HNRNPDL: variants seen among roughly 807,000 people sequenced by gnomAD.
The protein encoded by HNRNPDL is heterogeneous nuclear ribonucleoprotein D like.
Under a neutral mutation model 48.0 loss-of-function variants are expected in HNRNPDL, and 18 were observed. The observed-to-expected ratio is 0.38, with a 90% CI of 0.26 to 0.56. The LOEUF is 0.56. Among genes scored for constraint, HNRNPDL ranks in the 20% least tolerant of loss-of-function variants. HNRNPDL has a pLI of 0.77. For synonymous variants in HNRNPDL, 306 were observed against 207.3 expected, an observed-to-expected ratio of 1.48 and a Z score of -4.09; for missense variants, 553 against 540.7, an observed-to-expected ratio of 1.02 and a Z score of -0.23.
chr4:82,425,922 A>G, intron 7 of HNRNPDL, 115 bp downstream of exon 7: 1 of 693,712 alleles, frequency 1.4e-6, no homozygotes, highest in South Asian at 1.9e-5. Context: ...CAATTAAAAA[A>G]TCAACAATTT....
intron 1 of HNRNPDL, among the ~76,000 whole-genome samples, chr4:82,428,962 G>C (rs770985804): frequency 6.6e-6 from 1 of 152,210 alleles, no homozygotes; most frequent in African/African-American, 2.4e-5. Flanking sequence ...TGCAGCGCTG[G>C]GAGGCCGGCC....
intron 3 of HNRNPDL, 117 bp downstream of exon 3, chr4:82,427,901 G>T: frequency 1.0e-6 from 1 of 995,588 alleles, no homozygotes; most frequent in Non-Finnish European, 1.5e-6. Context: ...GAAGCGACTT[G>T]AGCAGTCATT....
At position 82,429,250 on chromosome 4, in the gene HNRNPDL, G is replaced by A. The variant is rs769311412; in HGVS notation, c.441C>T (p.Asp147=). ...KINASKNQQD[D]GKMFIGGLSW... ...GCGGGGGAAGAAGCGTGCGGTACCCGTCATCCTGCTGATTCTTGCTCGCGT... is the reference window on the plus strand; with the variant it reads ...GCGGGGGAAGAAGCGTGCGGTACCCATCATCCTGCTGATTCTTGCTCGCGT... The change falls in exon 1 of 8, where the codon GAC becomes GAT. Residue 147 remains aspartate, a splice_region_variant and synonymous_variant. Coordinates refer to ENST00000295470, the MANE Select transcript of HNRNPDL (RefSeq NM_031372.4). 8 of 1,612,984 alleles carry A rather than the reference G, an allele frequency of 5.0e-6. No individual in the cohort carries two copies. Among genetic ancestry groups the A allele is most frequent in the Non-Finnish European group, 6.8e-6 (8 of 1,179,718 alleles).
In HNRNPDL at chr4:82,424,055, A is replaced by G. The variant is rs1246573033; in HGVS notation, c.*851T>C. ...ATTTTGCCACTATTTTAATTTTTCG[A>G]CCAAACTCATACCTTTCTACCAAAA... On this transcript the variant is annotated 3_prime_UTR_variant, in exon 8 of 8. Transcript: ENST00000295470. 6.6e-6 allele frequency: 1 copy of G among 152,162 alleles called. No homozygotes were observed. The highest frequency in any genetic ancestry group is 6.5e-5 in the Admixed American group (1 of 15,282). 9.4% of individuals were successfully genotyped at this position (152,162 alleles called of 1,614,324 possible). A position where few individuals can be genotyped will look rare whatever the true frequency, so the allele number is the denominator to read the frequency against.
Position 82,429,358 on chromosome 4 carries a change from G to T in HNRNPDL, c.333C>A (p.His111Gln), listed in dbSNP as rs758689857. 4 of 1,613,550 alleles carry T rather than the reference G, an allele frequency of 2.5e-6. No individual in the cohort carries two copies. Among genetic ancestry groups the T allele is most frequent in the Non-Finnish European group, 3.4e-6 (4 of 1,179,892 alleles). ...AAAATRTARQ[H>Q]PPADSSVTME... ...TAGTGACGGAGCTGTCGGCAGGGGG[G>T]TGCTGGCGCGCAGTCCGGGTCGCGG... is the stretch of plus-strand genomic sequence containing the variant. Residue 111 changes from histidine to glutamine, a missense_variant, in exon 1 of 8, where the codon CAC (histidine) becomes CAA (glutamine). Transcript: ENST00000295470.
Position 82,428,020 on chromosome 4 carries a change from C to G in HNRNPDL, c.772G>C (p.Glu258Gln). 6.2e-7 allele frequency: 1 copy of G among 1,613,736 alleles called. No individual in the cohort carries two copies. Among genetic ancestry groups the G allele is most frequent in the Admixed American group, 1.7e-5 (1 of 59,940 alleles). ...QIKEYFGAFGEIENIELPMDT... is the reference protein window; with the variant it reads ...QIKEYFGAFGQIENIELPMDT... ...CATGTGTAAACATAATCACACACCT[C>G]TCCAAAGGCTCCAAAATATTCTTTA... is the stretch of plus-strand genomic sequence containing the variant. Residue 258 changes from glutamate to glutamine, a missense_variant and splice_region_variant, in exon 3 of 8, where the codon GAG becomes CAG. This residue lies in a region of HNRNPDL where 174 missense variants were observed against 204.6 expected (regional missense o/e 0.85). Coordinates refer to ENST00000295470, the MANE Select transcript of HNRNPDL (RefSeq NM_031372.4).
chr4:82,427,982 A>G, intron 3 of HNRNPDL, 36 bp downstream of exon 3: 1 of 1,589,784 alleles, frequency 6.3e-7, no homozygotes, highest in Non-Finnish European at 8.6e-7. Context: ...TTTTATAAAC[A>G]CATCAAGCTT....
chr4:82,428,132 G>C lies in HNRNPDL; in HGVS notation c.660C>G (p.Pro220=), dbSNP rs183833572. ...TCCCTTTTAAAGCTTTGGCCCTTTT[G>C]GGATCTATCAATTTGCCATCCAGTT... ...EHKLDGKLID[P]KRAKALKGKE... Residue 220 remains proline (P), a synonymous_variant, in exon 3 of 8, where the codon CCC becomes CCG. Coordinates refer to ENST00000295470, the MANE Select transcript of HNRNPDL (RefSeq NM_031372.4). 1.2e-6 allele frequency: 2 copies of C among 1,613,992 alleles called. No individual in the cohort carries two copies. Among genetic ancestry groups the C allele is most frequent in the East Asian group, 2.2e-5 (1 of 44,884 alleles).
chr4:82,429,662 A>G lies in HNRNPDL; in HGVS notation c.29T>C (p.Val10Ala). 1 of 1,362,740 alleles carries G rather than the reference A, an allele frequency of 7.3e-7. No homozygotes were observed. 84.4% of individuals were successfully genotyped at this position (1,362,740 alleles called of 1,614,324 possible). Residue 10 changes from valine to alanine, a missense_variant, in exon 1 of 8, where the codon GTG becomes GCG. This residue lies in a region of HNRNPDL where 327 missense variants were observed against 203.2 expected (regional missense o/e 1.61). Transcript: ENST00000295470. MEVPPRLSH[V>A]PPPLFPSAPA... ...AGCGGAGGGGAACAATGGCGGCGGC[A>G]CATGGGAAAGCCTGGGCGGGACCTC... is the stretch of plus-strand genomic sequence containing the variant.
In HNRNPDL at chr4:82,429,536, T is replaced by A. The variant is rs763638263; in HGVS notation, c.155A>T (p.Gln52Leu). The stretch of plus-strand genomic sequence containing the variant: ...GTGGCGCTGGGCCCGGCGCGCCCCC[T>A]GCCGGGCGGAGCTGGGAGCGAGCGA... ...LPSLAPSSAR[Q>L]GARRAQRHVT... is the part of the protein sequence containing the mutation. The change falls in exon 1 of 8, where the codon CAG becomes CTG. Residue 52 changes from glutamine to leucine, a missense_variant. Gln to Leu is a moderately radical substitution (Grantham distance 113). Around this residue, in one of 4 missense-constraint regions of HNRNPDL, gnomAD observed 327 missense variants for 203.2 expected, o/e 1.61. Transcript: ENST00000295470. The A allele has an allele frequency of 4.1e-6, 6 of 1,480,190 alleles. No individual in the cohort carries two copies. The highest frequency in any genetic ancestry group is 1.3e-5 in the South Asian group (1 of 75,296). The allele number at this position is 1,480,190 out of a possible 1,614,324, so 91.7% of individuals were successfully genotyped here. A position where few individuals can be genotyped will look rare whatever the true frequency, so the allele number is the denominator to read the frequency against.
chr4:82,429,618 G>C lies in HNRNPDL; in HGVS notation c.73C>G (p.Arg25Gly), dbSNP rs926280562. The C allele has an allele frequency of 2.2e-6, 3 of 1,380,890 alleles. No homozygotes were observed. The highest frequency in any genetic ancestry group is 2.8e-6 in the Non-Finnish European group (3 of 1,070,134). 85.5% of individuals were successfully genotyped at this position (1,380,890 alleles called of 1,614,324 possible). A position where few individuals can be genotyped will look rare whatever the true frequency, so the allele number is the denominator to read the frequency against. The change falls in exon 1 of 8, where the codon CGC (arginine) becomes GGC (glycine). Residue 25 changes from arginine (R) to glycine (G), a missense_variant. Arg to Gly is a moderately radical substitution (Grantham distance 125). Coordinates refer to ENST00000295470, the MANE Select transcript of HNRNPDL (RefSeq NM_031372.4). ...CGCGGCCGCCAATGGGAGAGGCTGCGGGAGGCTAAAGTAGCGGGAGCGGAG... is the reference window on the plus strand; with the variant it reads ...CGCGGCCGCCAATGGGAGAGGCTGCCGGAGGCTAAAGTAGCGGGAGCGGAG... ...FPSAPATLAS[R>G]SLSHWRPRPP...
intron 6 of HNRNPDL, 48 bp downstream of exon 6, chr4:82,426,415 A>ATGAATT: frequency 6.6e-7 from 1 of 1,508,402 alleles, no homozygotes; most frequent in Admixed American, 1.7e-5. Flanking sequence ...TATGTTAACA[A>ATGAATT]TGAATTTTAA....
chr4:82,429,516 G>T lies in HNRNPDL; in HGVS notation c.175C>A (p.Arg59Ser). 1 of 1,505,126 alleles carries T rather than the reference G, an allele frequency of 6.6e-7. No homozygotes were observed. Among genetic ancestry groups the T allele is most frequent in the South Asian group, 1.3e-5 (1 of 79,604 alleles). The allele number at this position is 1,505,126 out of a possible 1,614,324, so 93.2% of individuals were successfully genotyped here. ...GAGGGCTGCTGGGCGGTGACGTGGC[G>T]CTGGGCCCGGCGCGCCCCCTGCCGG... ...SARQGARRAQ[R>S]HVTAQQPSRL... Residue 59 changes from arginine to serine, a missense_variant, in exon 1 of 8, where the codon CGC (arginine) becomes AGC (serine). Physicochemically the swap from Arg to Ser is moderately radical, Grantham distance 110 (BLOSUM62 -1). Coordinates refer to ENST00000295470, the MANE Select transcript of HNRNPDL (RefSeq NM_031372.4).
In HNRNPDL at chr4:82,429,588, G is replaced by T; in HGVS notation, c.103C>A (p.Pro35Thr). 1 of 1,379,026 alleles carries T rather than the reference G, an allele frequency of 7.3e-7. No individual in the cohort carries two copies. The highest frequency in any genetic ancestry group is 9.3e-7 in the Non-Finnish European group (1 of 1,070,770). 85.4% of individuals were successfully genotyped at this position (1,379,026 alleles called of 1,614,324 possible). ...GGGAGGAGCGGGGCTAGCTGCCGCGGCGGCCGCGGCCGCCAATGGGAGAGG... is the reference window on the plus strand; with the variant it reads ...GGGAGGAGCGGGGCTAGCTGCCGCGTCGGCCGCGGCCGCCAATGGGAGAGG... ...RSLSHWRPRPPRQLAPLLPSL... is the reference protein window; with the variant it reads ...RSLSHWRPRPTRQLAPLLPSL... The change falls in exon 1 of 8, where the codon CCG (proline) becomes ACG (threonine). Residue 35 changes from proline (P) to threonine (T), a missense_variant. Pro to Thr is a conservative substitution (Grantham distance 38, BLOSUM62 -1). Around this residue, in one of 4 missense-constraint regions of HNRNPDL, gnomAD observed 327 missense variants for 203.2 expected, o/e 1.61. Coordinates refer to ENST00000295470, the MANE Select transcript of HNRNPDL (RefSeq NM_031372.4).
In HNRNPDL at chr4:82,423,910, TATCA is replaced by T. The variant is rs1721303168; in HGVS notation, c.*992_*995del. ...GCACTGTGTCAAAAACTAGATTTAC[TATCA>T]AGACTTTTTCTAAACTCACAGAGCA... On this transcript the variant is annotated 3_prime_UTR_variant, in exon 8 of 8. Coordinates refer to ENST00000295470, the MANE Select transcript of HNRNPDL (RefSeq NM_031372.4). 1 of 152,248 alleles carries T rather than the reference TATCA, an allele frequency of 6.6e-6. No homozygotes were observed. 9.4% of individuals were successfully genotyped at this position (152,248 alleles called of 1,614,324 possible). A position where few individuals can be genotyped will look rare whatever the true frequency, so the allele number is the denominator to read the frequency against.
At position 82,429,499 on chromosome 4, in the gene HNRNPDL, C is replaced by G. The variant is rs1255049120; in HGVS notation, c.192G>C (p.Gln64His). The G allele has an allele frequency of 1.3e-6, 2 of 1,552,822 alleles. No homozygotes were observed. The highest frequency in any genetic ancestry group is 2.0e-5 in the Admixed American group (1 of 50,428). Residue 64 changes from glutamine (Q) to histidine (H), a missense_variant, in exon 1 of 8, where the codon CAG becomes CAC. Gln to His is a conservative substitution (Grantham distance 24). Transcript: ENST00000295470. ...ARRAQRHVTA[Q>H]QPSRLAGGAA... ...CCCCGCCCGCCAATCGGGAGGGCTG[C>G]TGGGCGGTGACGTGGCGCTGGGCCC...
rs1721452230 is a variant in HNRNPDL at position 82,427,264 on chromosome 4, T to A, written c.947A>T (p.Gln316Leu). The change falls in exon 5 of 8, where the codon CAG becomes CTG. Residue 316 changes from glutamine (Q) to leucine (L), a missense_variant. Around this residue, in one of 4 missense-constraint regions of HNRNPDL, gnomAD observed 174 missense variants for 204.6 expected, o/e 0.85. Transcript: ENST00000295470. ...KVAQPKEVYRQQQQQQKGGRG... is the reference protein window; with the variant it reads ...KVAQPKEVYRLQQQQQKGGRG... ...TCCACCTTTTTGTTGTTGCTGTTGCTGCCTATATACCTCTTTGGGTTGTGC... is the reference window on the plus strand; with the variant it reads ...TCCACCTTTTTGTTGTTGCTGTTGCAGCCTATATACCTCTTTGGGTTGTGC... 6.2e-7 allele frequency: 1 copy of A among 1,613,900 alleles called. No homozygotes were observed. Among genetic ancestry groups the A allele is most frequent in the Admixed American group, 1.7e-5 (1 of 59,972 alleles).
At position 82,424,872 on chromosome 4, in the gene HNRNPDL, T is replaced by C. The variant is rs1721355237; in HGVS notation, c.*34A>G. 1 of 152,236 alleles carries C rather than the reference T, an allele frequency of 6.6e-6. No homozygotes were observed. The highest frequency in any genetic ancestry group is 2.4e-5 in the African/African-American group (1 of 41,470). The allele number at this position is 152,236 out of a possible 1,614,324, so 9.4% of individuals were successfully genotyped here. Reference sequence around the variant, plus strand: ...TGTCGTCCTGCAAGATGGGTTACTTTAACATCTCCTCCTAAAAACAAAAAC... The same window carrying C: ...TGTCGTCCTGCAAGATGGGTTACTTCAACATCTCCTCCTAAAAACAAAAAC... On this transcript the variant is annotated 3_prime_UTR_variant, in exon 8 of 8. Transcript: ENST00000295470.
intron 1 of HNRNPDL, 45 bp downstream of exon 1, chr4:82,429,203 G>A: frequency 6.4e-7 from 1 of 1,573,926 alleles, no homozygotes; most frequent in Non-Finnish European, 8.7e-7. Flanking sequence ...AAGGGCGCGT[G>A]CGGCGCGCTG....
Sources: allele counts gnomAD v4.1 joint callset (sites outside exome capture counted in the v4.1 genomes callset), GRCh38; gene constraint gnomAD v4.1.1; regional missense constraint gnomAD v4.1.1; transcripts MANE v1.5; gene names NCBI Gene and HGNC (gene_info 2026-07-23, HGNC 2026-07-21).